Variants in SERPINF2 observed in about 807,000 individuals in gnomAD.
The protein encoded by SERPINF2 is alpha-2-antiplasmin.
In SERPINF2, 15 loss-of-function variants were observed where a neutral mutation model predicts 45.0. The observed-to-expected ratio is 0.33, with a 90% CI of 0.22 to 0.51. The LOEUF (loss-of-function observed/expected upper bound fraction) is 0.51, where lower values mean the gene tolerates loss of function less well. Among genes scored for constraint, SERPINF2 ranks in the 20% least tolerant of loss-of-function variants. The pLI is 0.97. For synonymous variants in SERPINF2, 283 were observed against 277.9 expected (o/e 1.02, Z -0.18); for missense variants, 518 against 637.4 (o/e 0.81, Z 2.02).
intron 1 of SERPINF2, among the ~76,000 whole-genome samples, chr17:1,743,972 C>G (rs1416354296): frequency 4.0e-5 from 6 of 151,140 alleles, no homozygotes; most frequent in Non-Finnish European, 8.8e-5. Context: ...TCTCGGCTCA[C>G]TGCAACCTCC....
chr17:1,747,526 C>G lies in SERPINF2; in HGVS notation c.715+14C>G, dbSNP rs778254669. ...TCCACTTCCAGGGTGCGCTCCTCCT[C>G]CTCTCAGATCCCCCACCCTGTAGGC... On this transcript the variant is annotated intron_variant, in intron 7 of 9. Coordinates refer to ENST00000453066, the MANE Select transcript of SERPINF2 (RefSeq NM_000934.4). The G allele has an allele frequency of 1.2e-5, 19 of 1,612,210 alleles. No homozygotes were observed. Among genetic ancestry groups the G allele is most frequent in the Non-Finnish European group, 1.5e-5 (18 of 1,179,196 alleles).
At position 1,754,240 on chromosome 17, in the gene SERPINF2, G is replaced by A. The variant is rs571655646; in HGVS notation, c.1182G>A (p.Ala394=). Residue 394 remains alanine, a synonymous_variant, in exon 10 of 10, where the codon GCG becomes GCA. Transcript: ENST00000453066. ...LELSEVGVEA[A]AATSIAMSRM... The stretch of plus-strand genomic sequence containing the variant: ...TCAGCGAGGTCGGCGTGGAGGCGGC[G>A]GCGGCCACCAGCATTGCCATGTCCC... The A allele has an allele frequency of 1.1e-5, 18 of 1,614,012 alleles. No homozygotes were observed. Among genetic ancestry groups the A allele is most frequent in the East Asian group, 1.1e-4 (5 of 44,888 alleles).
intron 8 of SERPINF2, 75 bp from the exon 9 acceptor site, chr17:1,752,511 G>T (rs1367504620): frequency 4.4e-6 from 6 of 1,357,402 alleles, no homozygotes; most frequent in Non-Finnish European, 5.3e-6. Context: ...TCTGCCTTAG[G>T]AGCACCTGCT....
At chr17:1,749,234 T>C (rs1001646140) in intron 8 of SERPINF2, among the ~76,000 whole-genome samples, 1 of 152,178 alleles carries the variant, frequency 6.6e-6, no homozygotes, top group Non-Finnish European at 1.5e-5. Context: ...GAGACCAGCC[T>C]GGCCAAGATT....
Position 1,754,301 on chromosome 17 carries a change from T to C in SERPINF2, c.1243T>C (p.Phe415Leu). 2 of 1,614,160 alleles carry C rather than the reference T, an allele frequency of 1.2e-6. No individual in the cohort carries two copies. The highest frequency in any genetic ancestry group is 1.7e-6 in the Non-Finnish European group (2 of 1,180,034). Residue 415 changes from phenylalanine to leucine, a missense_variant, in exon 10 of 10, where the codon TTC becomes CTC. Physicochemically the swap from Phe to Leu is conservative, Grantham distance 22. Around this residue, in one of 2 missense-constraint regions of SERPINF2, gnomAD observed 435 missense variants for 577.3 expected, o/e 0.75. Transcript: ENST00000453066. ...SLSSFSVNRP[F>L]LFFIFEDTTG... ...GTCCTCCTTCAGCGTGAACCGCCCC[T>C]TCCTCTTCTTCATCTTCGAGGACAC... is the stretch of plus-strand genomic sequence containing the variant.
chr17:1,745,469 T>TG lies in SERPINF2; in HGVS notation c.165+79dup. On this transcript the variant is annotated intron_variant, in intron 4 of 9. Coordinates refer to ENST00000453066, the MANE Select transcript of SERPINF2 (RefSeq NM_000934.4). The surrounding 1 kb of genome is among the most constrained non-coding windows in gnomAD (Gnocchi z 6.2). ...GGGCCCATCGGCAGGGGTCGGGGGG[T>TG]GGGGGCGCGTGCTGAGGCTGAGGCT... The TG allele has an allele frequency of 5.9e-6, 1 of 169,042 alleles. No individual in the cohort carries two copies. 10.5% of individuals were successfully genotyped at this position (169,042 alleles called of 1,614,324 possible). A position where few individuals can be genotyped will look rare whatever the true frequency, so the allele number is the denominator to read the frequency against.
intron 8 of SERPINF2, among the ~76,000 whole-genome samples, 185 bp from the exon 9 acceptor site, chr17:1,752,401 C>G (rs1906478267): frequency 6.6e-6 from 1 of 152,128 alleles, no homozygotes; most frequent in Admixed American, 6.5e-5. Context: ...TACGTGTCCG[C>G]CTGCAGTGGG....
chr17:1,752,861 T>TCCACTGCCAGCCA, intron 9 of SERPINF2, 71 bp downstream of exon 9: 1 of 1,381,918 alleles, frequency 7.2e-7, no homozygotes, highest in Non-Finnish European at 1.0e-6. Context: ...AGCGTCTGGC[T>TCCACTGCCAGCCA]GGCAGTGGAG....
At chr17:1,751,069 C>T (rs1906350572) in intron 8 of SERPINF2, among the ~76,000 whole-genome samples, 1 of 152,244 alleles carries the variant, frequency 6.6e-6, no homozygotes, top group African/African-American at 2.4e-5. Context: ...CACGGGTACT[C>T]TGCCTGGAAC....
At chr17:1,746,038 A>C in intron 5 of SERPINF2, 129 bp downstream of exon 5, 1 of 1,060,832 alleles carries the variant, frequency 9.4e-7, no homozygotes, top group Non-Finnish European at 1.4e-6. Context: ...GCAGATTCCT[A>C]GGCCGGGGCG....
In SERPINF2 at chr17:1,750,000, G is replaced by A. The variant is rs1463354019; in HGVS notation, c.858+1260G>A. Among the ~76,000 whole-genome samples, 3 of 150,824 alleles carry A rather than the reference G, an allele frequency of 2.0e-5. No individual in the cohort carries two copies. The East Asian group carries it at 5.8e-4, about 29-fold the overall frequency. On this transcript the variant is annotated intron_variant, in intron 8 of 9. Coordinates refer to ENST00000453066, the MANE Select transcript of SERPINF2 (RefSeq NM_000934.4). ...TTCTTTTTTTTTTTTTTGAGACAGA[G>A]TCTTGCTCTGTCACCCAGGCTGGAG...
chr17:1,745,088 G>T lies in SERPINF2; in HGVS notation c.63+30G>T. The T allele has an allele frequency of 6.2e-7, 1 of 1,610,730 alleles. No homozygotes were observed. Among genetic ancestry groups the T allele is most frequent in the East Asian group, 2.2e-5 (1 of 44,836 alleles). On this transcript the variant is annotated intron_variant, in intron 2 of 9. Coordinates refer to ENST00000453066, the MANE Select transcript of SERPINF2 (RefSeq NM_000934.4). This position sits in a 1 kb window ranked among gnomAD's most constrained non-coding sequence, Gnocchi z 6.2. ...GGCTGGGCTGAAGTCAAGGTGGGGT[G>T]GGGTGGAGGGGGAAGAAGAGGGGCG... is the stretch of plus-strand genomic sequence containing the variant.
At chr17:1,750,182 TCTATCGCC>T (rs1306796230) in intron 8 of SERPINF2, among the ~76,000 whole-genome samples, 1 of 151,998 alleles carries the variant, frequency 6.6e-6, no homozygotes, top group Non-Finnish European at 1.5e-5. Context: ...GGAGTTTCTC[TCTATCGCC>T]CAGACTGGAG....
intron 8 of SERPINF2, among the ~76,000 whole-genome samples, chr17:1,750,625 G>A (rs1468525242): frequency 6.6e-6 from 1 of 152,196 alleles, no homozygotes; most frequent in African/African-American, 2.4e-5. Flanking sequence ...TGTCTCAGGT[G>A]TGGCCTCTCT....
chr17:1,753,863 A>G (rs960960776), intron 9 of SERPINF2, among the ~76,000 whole-genome samples: 1 of 152,204 alleles, frequency 6.6e-6, no homozygotes, highest in Non-Finnish European at 1.5e-5. Flanking sequence ...CATAAGCGAT[A>G]AGACAGAGAG....
At chr17:1,752,915 G>A (rs1597334559) in intron 9 of SERPINF2, 125 bp downstream of exon 9, 12 of 833,340 alleles carry the variant, frequency 1.4e-5, no homozygotes, top group Non-Finnish European at 1.9e-5. Context: ...CCAGGGCTTC[G>A]GGAGCGGGGA....
rs989658630 is a variant in SERPINF2 at position 1,745,782 on chromosome 17, C to G, written c.240C>G (p.His80Gln). Residue 80 changes from histidine to glutamine, a missense_variant, in exon 5 of 10, where the codon CAC (histidine) becomes CAG (glutamine). By Grantham distance (24) the His-to-Gln change is conservative. Coordinates refer to ENST00000453066, the MANE Select transcript of SERPINF2 (RefSeq NM_000934.4). The surrounding 1 kb of genome is among the most constrained non-coding windows in gnomAD (Gnocchi z 6.2). ...GAGACCCCACCCCAGAGCAGACCCA[C>G]AGGCTGGCCCGGGCCATGATGGCCT... ...CSRDPTPEQTHRLARAMMAFT... is the reference protein window; with the variant it reads ...CSRDPTPEQTQRLARAMMAFT... 39 of 1,613,932 alleles carry G rather than the reference C, an allele frequency of 2.4e-5. No homozygotes were observed. The highest frequency in any genetic ancestry group is 3.0e-5 in the Non-Finnish European group (35 of 1,180,026).
chr17:1,745,567 T>A lies in SERPINF2; in HGVS notation c.166-141T>A. ...TGGGCGCCAGGCCCCAGAATGCCAGTGCCCTCCGTCTGACGCTCCCTCTTC... is the reference window on the plus strand; with the variant it reads ...TGGGCGCCAGGCCCCAGAATGCCAGAGCCCTCCGTCTGACGCTCCCTCTTC... On this transcript the variant is annotated intron_variant, in intron 4 of 9. Transcript: ENST00000453066. The surrounding 1 kb of genome is among the most constrained non-coding windows in gnomAD (Gnocchi z 6.2). 1 of 1,153,796 alleles carries A rather than the reference T, an allele frequency of 8.7e-7. No homozygotes were observed. The highest frequency in any genetic ancestry group is 1.3e-6 in the Non-Finnish European group (1 of 796,644). 71.5% of individuals were successfully genotyped at this position (1,153,796 alleles called of 1,614,324 possible).
At chr17:1,744,518 A>C (rs1304379765) in intron 1 of SERPINF2, 11 of 983,454 alleles carry the variant, frequency 1.1e-5, no homozygotes, top group Non-Finnish European at 1.3e-5. Context: ...AAAAAATCCC[A>C]AAAAGACGGT....
Sources: gnomAD v4.1 joint callset for allele counts (sites outside exome capture counted in the v4.1 genomes callset) on GRCh38, gnomAD v4.1.1 for gene constraint, gnomAD v4.1.1 regional missense constraint, Gnocchi (gnomAD v3.1) non-coding constraint, MANE v1.5 for transcripts, NCBI Gene and HGNC (gene_info 2026-07-23, HGNC 2026-07-21) for gene names.